The following UGT2A1 variants were observed in gnomAD, a reference collection of about 807,000 sequenced individuals.
UGT2A1 encodes the protein UDP glucuronosyltransferase family 2 member A1 complex locus.
A neutral mutation model predicts 45.4 loss-of-function variants in UGT2A1; 61 were observed. The observed-to-expected ratio is 1.34, with a 90% CI of 1.09 to 1.66. The LOEUF (loss-of-function observed/expected upper bound fraction) is 1.66. Ranked by LOEUF, UGT2A1 falls within the 40% of genes most tolerant of loss-of-function variation. The probability of loss-of-function intolerance (pLI) is 0.00; values close to 1 mark genes in which losing one functional copy is unlikely to be tolerated. For missense variants in UGT2A1, 649 were observed against 574.3 expected (o/e 1.13, Z -1.33); for synonymous variants, 229 against 196.2 (o/e 1.17, Z -1.40).
chr4:69,649,510 AG>A (rs1252797849), intron 1 of UGT2A1, among the ~76,000 whole-genome samples: 6 of 152,112 alleles, frequency 3.9e-5, no homozygotes, highest in African/African-American at 1.4e-4. Context: ...TATTTTATTC[AG>A]GTGCTATTGA....
intron 1 of UGT2A1, among the ~76,000 whole-genome samples, chr4:69,649,150 A>G (rs976247463): frequency 6.6e-6 from 1 of 152,160 alleles, no homozygotes; most frequent in African/African-American, 2.4e-5. Context: ...CTATATTTTT[A>G]GTAATATCAT....
intron 1 of UGT2A1, among the ~76,000 whole-genome samples, chr4:69,650,273 A>G (rs1171512328): frequency 1.3e-5 from 2 of 152,128 alleles, no homozygotes; most frequent in Non-Finnish European, 2.9e-5. Flanking sequence ...CACACACAGC[A>G]GTACCTACTA....
rs567077865 is a variant in UGT2A1 at position 69,641,524 on chromosome 4, C to T, written c.715+5406G>A. Among the ~76,000 whole-genome samples, 569 of 151,892 alleles carry T rather than the reference C, an allele frequency of 3.7e-3. 5 individuals are homozygous for T. Among genetic ancestry groups the T allele is most frequent in the African/African-American group, 0.013 (537 of 41,490 alleles). On this transcript the variant is annotated intron_variant, in intron 2 of 6. Transcript: ENST00000286604. Reference sequence around the variant, plus strand: ...TTGTCTCCCCAAGGCCAAAAAAAGCCTGGAAACCAGCTTTCATACTGTTTT... The same window carrying T: ...TTGTCTCCCCAAGGCCAAAAAAAGCTTGGAAACCAGCTTTCATACTGTTTT...
At chr4:69,650,803 G>A (rs1578013216) in intron 1 of UGT2A1, among the ~76,000 whole-genome samples, 1 of 152,184 alleles carries the variant, frequency 6.6e-6, no homozygotes, top group East Asian at 1.9e-4. Flanking sequence ...AATGACATAG[G>A]TAAAGTGTTT....
intron 3 of UGT2A1, among the ~76,000 whole-genome samples, chr4:69,615,516 C>G (rs993931420): frequency 6.6e-6 from 1 of 151,866 alleles, no homozygotes; most frequent in Non-Finnish European, 1.5e-5. Flanking sequence ...GCAGCTCAAA[C>G]AATTCAAAAA....
chr4:69,624,797 C>A (rs1487158405), intron 3 of UGT2A1, among the ~76,000 whole-genome samples: 1 of 151,220 alleles, frequency 6.6e-6, no homozygotes, highest in East Asian at 1.9e-4. Flanking sequence ...CTGTAGTTAT[C>A]ATTTTGGTTT....
At chr4:69,627,366 T>A (rs1210532371) in intron 3 of UGT2A1, among the ~76,000 whole-genome samples, 1 of 151,812 alleles carries the variant, frequency 6.6e-6, no homozygotes, top group Non-Finnish European at 1.5e-5. Context: ...TCATATCACA[T>A]ACTACATTAC....
In UGT2A1 at chr4:69,589,240, G is replaced by T; in HGVS notation, c.*132C>A. 2 of 1,195,556 alleles carry T rather than the reference G, an allele frequency of 1.7e-6. No homozygotes were observed. The highest frequency in any genetic ancestry group is 3.0e-4 in the Middle Eastern group (1 of 3,314). 74.1% of individuals were successfully genotyped at this position (1,195,556 alleles called of 1,614,324 possible). On this transcript the variant is annotated 3_prime_UTR_variant, in exon 7 of 7. Transcript: ENST00000286604. ...TTTATCAGTAGGCTTATCGCAGGTA[G>T]AGAAATAGAAAATTTGGAAACAGGA...
intron 3 of UGT2A1, among the ~76,000 whole-genome samples, chr4:69,614,824 G>A (rs1330610874): frequency 6.6e-6 from 1 of 151,998 alleles, no homozygotes; most frequent in African/African-American, 2.4e-5. Context: ...AGAACTATCT[G>A]ACACTGTAGT....
chr4:69,603,396 C>T lies in UGT2A1; in HGVS notation c.848-4002G>A, dbSNP rs892452101. 16 of 136,886 alleles carry T rather than the reference C, an allele frequency of 1.2e-4. 3 individuals are homozygous for T. The highest frequency in any genetic ancestry group is 4.7e-4 in the African/African-American group (16 of 33,902). 8.5% of individuals were successfully genotyped at this position (136,886 alleles called of 1,614,324 possible). On this transcript the variant is annotated intron_variant, in intron 3 of 6. Transcript: ENST00000286604. The stretch of plus-strand genomic sequence containing the variant: ...TCAATAAATAGTGATGGGACAGCTC[C>T]TTACCCAAAACCCCATCTCTACATC...
At chr4:69,612,768 T>C (rs1281779300) in intron 3 of UGT2A1, among the ~76,000 whole-genome samples, 5 of 151,870 alleles carry the variant, frequency 3.3e-5, no homozygotes, top group Admixed American at 3.3e-4. Flanking sequence ...CCTCAAAGTA[T>C]AAAAATCTTT....
At chr4:69,644,485 C>A (rs2109976256) in intron 2 of UGT2A1, among the ~76,000 whole-genome samples, 1 of 151,780 alleles carries the variant, frequency 6.6e-6, no homozygotes, top group Admixed American at 6.6e-5. Context: ...TTTAGTTTAC[C>A]ATACACCTGA....
At chr4:69,632,078 A>G (rs1199578695) in intron 3 of UGT2A1, among the ~76,000 whole-genome samples, 2 of 152,126 alleles carry the variant, frequency 1.3e-5, no homozygotes, top group Admixed American at 6.5e-5. Context: ...TTTATTTTTG[A>G]AAGAGATTCA....
At chr4:69,634,608 T>G (rs575728898) in intron 3 of UGT2A1, among the ~76,000 whole-genome samples, 3 of 152,184 alleles carry the variant, frequency 2.0e-5, no homozygotes, top group African/African-American at 7.2e-5. Flanking sequence ...AAAAGTTGAT[T>G]TAACAACTGA....
intron 3 of UGT2A1, among the ~76,000 whole-genome samples, chr4:69,625,127 T>C (rs1398195414): frequency 6.6e-6 from 1 of 151,114 alleles, no homozygotes; most frequent in Non-Finnish European, 1.5e-5. Flanking sequence ...TGCTGTTTTG[T>C]AGCTTGCATT....
At chr4:69,640,225 C>A (rs1304310624) in intron 2 of UGT2A1, among the ~76,000 whole-genome samples, 1 of 151,906 alleles carries the variant, frequency 6.6e-6, no homozygotes, top group Non-Finnish European at 1.5e-5. Context: ...CAAATATTGT[C>A]CTTTTATAAG....
chr4:69,597,422 C>T lies in UGT2A1; in HGVS notation c.996+1824G>A, dbSNP rs192923276. ...CCTTAGGTAATTACTTATAGTTTTG[C>T]AAATTTGACACTGCAAAATCTGAGA... is the stretch of plus-strand genomic sequence containing the variant. On this transcript the variant is annotated intron_variant, in intron 4 of 6. Transcript: ENST00000286604. Among the ~76,000 whole-genome samples the T allele has an allele frequency of 6.2e-4, 94 of 152,202 alleles. 2 individuals carry two copies. Among genetic ancestry groups the T allele is most frequent in the Admixed American group, 3.4e-3 (52 of 15,278 alleles).
intron 3 of UGT2A1, among the ~76,000 whole-genome samples, chr4:69,616,124 A>G (rs1166753041): frequency 2.6e-5 from 4 of 152,028 alleles, no homozygotes; most frequent in African/African-American, 9.7e-5. Flanking sequence ...GCGCGGAAAG[A>G]CAAATATGCC....
rs956568674 is a variant in UGT2A1, at chr4:69,605,198, G to T, written c.848-5804C>A. Among the ~76,000 whole-genome samples, 13 of 136,610 alleles carry T rather than the reference G, an allele frequency of 9.5e-5. 2 individuals carry two copies. The highest frequency in any genetic ancestry group is 3.9e-4 in the African/African-American group (13 of 33,666). The allele number at this position is 136,610 out of a possible 152,430, so 89.6% of individuals were successfully genotyped here. A position where few individuals can be genotyped will look rare whatever the true frequency, so the allele number is the denominator to read the frequency against. On this transcript the variant is annotated intron_variant, in intron 3 of 6. Transcript: ENST00000286604. The stretch of plus-strand genomic sequence containing the variant: ...AAAGCACTCCTCAGCAAATGTAAAA[G>T]AACAGAAATTATAACAAACTGTCTC...
Sources: gnomAD v4.1 joint callset for allele counts (sites outside exome capture counted in the v4.1 genomes callset) on GRCh38, gnomAD v4.1.1 for gene constraint, MANE v1.5 for transcripts, NCBI Gene and HGNC (gene_info 2026-07-23, HGNC 2026-07-21) for gene names.